The following PTPRG variants were observed in gnomAD, a reference collection of about 807,000 sequenced individuals.
PTPRG encodes protein tyrosine phosphatase receptor type G, also known as receptor-type tyrosine-protein phosphatase gamma.
A neutral mutation model predicts 165.3 loss-of-function variants in PTPRG; 102 were observed. The ratio of observed to expected loss-of-function variants is 0.62; its 90% CI spans 0.53 to 0.73. The LOEUF (loss-of-function observed/expected upper bound fraction) is 0.73. PTPRG is among the 30% of genes least tolerant of loss of function. The pLI is 0.00. For synonymous variants in PTPRG, 675 were observed against 669.5 expected, an observed-to-expected ratio of 1.01 and a Z score of -0.13; for missense variants, 1,866 against 1,861.4, an observed-to-expected ratio of 1.00 and a Z score of -0.05.
At chr3:62,196,800 A>T (rs1282936711) in intron 10 of PTPRG, among the ~76,000 whole-genome samples, 1 of 152,204 alleles carries the variant, frequency 6.6e-6, no homozygotes, top group Non-Finnish European at 1.5e-5. Context: ...TTGAGTTACA[A>T]ATCTGATGAA....
At chr3:62,059,759 A>G (rs905519601) in intron 4 of PTPRG, among the ~76,000 whole-genome samples, 2 of 152,154 alleles carry the variant, frequency 1.3e-5, no homozygotes, top group African/African-American at 4.8e-5. Flanking sequence ...AGTAGGAGGT[A>G]GTGGAATTAT....
intron 2 of PTPRG, among the ~76,000 whole-genome samples, chr3:61,895,376 T>G (rs564112182): frequency 8.0e-4 from 122 of 152,220 alleles, no homozygotes; most frequent in Admixed American, 1.4e-3. Context: ...AGTACCTTCA[T>G]GGTTATTAAA....
At chr3:61,595,491 T>TG (rs1021777064) in intron 1 of PTPRG, among the ~76,000 whole-genome samples, 24 of 152,224 alleles carry the variant, frequency 1.6e-4, no homozygotes, top group African/African-American at 5.8e-4. Context: ...TGTCAGAACT[T>TG]GGGCAAAGGA....
intron 1 of PTPRG, among the ~76,000 whole-genome samples, chr3:61,621,051 ATGTGTGTGTGTG>A (rs1173192341): frequency 2.5e-5 from 3 of 117,988 alleles, no homozygotes; most frequent in African/African-American, 8.9e-5. Flanking sequence ...ATATATATAT[ATGTGTGTGTGTG>A]TGTGTGTGTG....
chr3:61,646,827 C>T (rs569510124), intron 1 of PTPRG, among the ~76,000 whole-genome samples: 69 of 152,326 alleles, frequency 4.5e-4, no homozygotes, highest in Non-Finnish European at 8.4e-4. Flanking sequence ...CTAGCAATTA[C>T]TAACCCATTG....
intron 1 of PTPRG, among the ~76,000 whole-genome samples, chr3:61,650,088 A>T (rs1702309272): frequency 6.6e-6 from 1 of 152,172 alleles, no homozygotes; most frequent in African/African-American, 2.4e-5. Flanking sequence ...AGAAGGAAAA[A>T]TAAAACCCAT....
At chr3:62,212,697 G>A (rs1435914350) in intron 12 of PTPRG, among the ~76,000 whole-genome samples, 4 of 152,134 alleles carry the variant, frequency 2.6e-5, no homozygotes, top group Admixed American at 6.5e-5. Flanking sequence ...CCAGTGAGAC[G>A]CACCCTGTCT....
chr3:61,792,688 CT>C (rs2034917042), intron 2 of PTPRG, among the ~76,000 whole-genome samples: 14 of 8,642 alleles, frequency 1.6e-3, no homozygotes, highest in African/African-American at 0.013. Flanking sequence ...TTCTTTCTTT[CT>C]TTCTTTCTTT....
intron 2 of PTPRG, among the ~76,000 whole-genome samples, chr3:61,773,297 A>T (rs564634771): frequency 2.4e-4 from 37 of 152,348 alleles, no homozygotes; most frequent in African/African-American, 8.9e-4. Context: ...AAATTTTACC[A>T]GGTAGAATAT....
At position 62,002,644 on chromosome 3, in the gene PTPRG, G is replaced by A. The variant is rs142642385; in HGVS notation, c.371-705G>A. On this transcript the variant is annotated intron_variant, in intron 3 of 29. Coordinates refer to ENST00000474889, the MANE Select transcript of PTPRG (RefSeq NM_002841.4). ...ATTTAGTTGAGGTTCCCTATGTTGC[G>A]GATGCTTTCAGGTATTCTTTGGATG... Among the ~76,000 whole-genome samples, 785 of 152,154 alleles carry A rather than the reference G, an allele frequency of 5.2e-3. 3 individuals carry two copies. The highest frequency in any genetic ancestry group is 8.5e-3 in the Non-Finnish European group (576 of 68,008).
chr3:61,800,800 C>T (rs1258064094), intron 2 of PTPRG, among the ~76,000 whole-genome samples: 2 of 151,788 alleles, frequency 1.3e-5, no homozygotes, highest in African/African-American at 2.4e-5. Flanking sequence ...CCCGCCACCA[C>T]GCCCAGCTAA....
chr3:61,895,154 G>A (rs1055465832), intron 2 of PTPRG, among the ~76,000 whole-genome samples: 1 of 152,040 alleles, frequency 6.6e-6, no homozygotes, highest in Non-Finnish European at 1.5e-5. Flanking sequence ...TTCTAACAGG[G>A]CTTCTGAAAC....
At chr3:61,877,671 G>A (rs1282657174) in intron 2 of PTPRG, among the ~76,000 whole-genome samples, 1 of 152,250 alleles carries the variant, frequency 6.6e-6, no homozygotes, top group East Asian at 1.9e-4. Context: ...GTGTTTGCAT[G>A]CAGAAGCTTA....
chr3:62,264,964 A>T (rs893949262), intron 17 of PTPRG, among the ~76,000 whole-genome samples: 2 of 151,828 alleles, frequency 1.3e-5, no homozygotes, highest in Admixed American at 6.6e-5. Context: ...ACTATTTAAA[A>T]AAAAAAAAAA....
In PTPRG at chr3:61,851,768, T is replaced by A. The variant is rs368935055; in HGVS notation, c.190+102786T>A. Among the ~76,000 whole-genome samples, 99 of 152,324 alleles carry A rather than the reference T, an allele frequency of 6.5e-4. No homozygotes were observed. The Middle Eastern group carries it at 0.037, about 58-fold the overall frequency. ...TGGTAATGAGAGAGACATATTCTGA[T>A]TGAGGTTCTAGTACAGCTGCTACAA... On this transcript the variant is annotated intron_variant, in intron 2 of 29. Coordinates refer to ENST00000474889, the MANE Select transcript of PTPRG (RefSeq NM_002841.4).
intron 13 of PTPRG, among the ~76,000 whole-genome samples, chr3:62,225,310 A>G (rs1281287912): frequency 6.6e-6 from 1 of 152,194 alleles, no homozygotes; most frequent in African/African-American, 2.4e-5. Flanking sequence ...CTCAGAGAGA[A>G]GAGGAAAATT....
chr3:62,130,513 A>T (rs9883985), intron 5 of PTPRG, among the ~76,000 whole-genome samples: 3 of 152,168 alleles, frequency 2.0e-5, no homozygotes, highest in Non-Finnish European at 4.4e-5. Flanking sequence ...TTTCTCACAG[A>T]TATTAGAGTA....
chr3:61,761,446 G>A lies in PTPRG; in HGVS notation c.190+12464G>A, dbSNP rs114042818. ...ACAAAAAAATTAGCCAGGCGTGGTG[G>A]TGGACACCTGTAACCCAGCTACTTG... On this transcript the variant is annotated intron_variant, in intron 2 of 29. Transcript: ENST00000474889. Among the ~76,000 whole-genome samples, 269 of 152,242 alleles carry A rather than the reference G, an allele frequency of 1.8e-3. 1 individual carries two copies. The highest frequency in any genetic ancestry group is 3.5e-3 in the South Asian group (17 of 4,822).
At chr3:61,849,081 C>G (rs620479) in intron 2 of PTPRG, among the ~76,000 whole-genome samples, 24,032 of 152,114 alleles carry the variant, frequency 0.16, 1,909 homozygotes, top group Middle Eastern at 0.19. Flanking sequence ...GCAGTTGGGA[C>G]AAACCCATTT....
Sources: gnomAD v4.1 joint callset for allele counts (sites outside exome capture counted in the v4.1 genomes callset) on GRCh38, gnomAD v4.1.1 for gene constraint, MANE v1.5 for transcripts, NCBI Gene and HGNC (gene_info 2026-07-23, HGNC 2026-07-21) for gene names.